LAMA3: variants seen among roughly 807,000 people sequenced by gnomAD.
LAMA3 encodes the protein laminin subunit alpha-3.
A neutral mutation model predicts 402.0 loss-of-function variants in LAMA3; 281 were observed. That is an observed-to-expected ratio of 0.70 (90% CI 0.63 to 0.77). The LOEUF is 0.77. Among genes scored for constraint, LAMA3 ranks in the 30% least tolerant of loss-of-function variants. LAMA3 has a pLI of 0.00. For synonymous variants in LAMA3, 1,431 were observed against 1,558.4 expected, an observed-to-expected ratio of 0.92 and a Z score of 1.93; for missense variants, 3,840 against 4,215.5, an observed-to-expected ratio of 0.91 and a Z score of 2.47.
At chr18:23,904,816 T>C in intron 51 of LAMA3, 122 bp downstream of exon 51, 1 of 1,108,106 alleles carries the variant, frequency 9.0e-7, no homozygotes, top group Non-Finnish European at 1.3e-6. Flanking sequence ...ACTTGTTGTA[T>C]AGAATAGAAC....
chr18:23,764,596 A>AT lies in LAMA3; in HGVS notation c.1182+1087dup, dbSNP rs765818716. Among the ~76,000 whole-genome samples the AT allele has an allele frequency of 7.3e-3, 974 of 134,142 alleles. 5 individuals carry two copies. Among genetic ancestry groups the AT allele is most frequent in the East Asian group, 0.033 (153 of 4,704 alleles). The allele number at this position is 134,142 out of a possible 152,430, so 88.0% of individuals were successfully genotyped here. A position where few individuals can be genotyped will look rare whatever the true frequency, so the allele number is the denominator to read the frequency against. ...TTTTTCATAGTGGGTCTGCAAAAAC[A>AT]TTTTTTTTTTTTTTGCTTATGAAAT... On this transcript the variant is annotated intron_variant, in intron 8 of 74. Transcript: ENST00000313654.
intron 2 of LAMA3, among the ~76,000 whole-genome samples, chr18:23,739,358 G>T (rs58721020): frequency 2.0e-5 from 3 of 152,148 alleles, no homozygotes; most frequent in Non-Finnish European, 4.4e-5. Context: ...ATGACACTCC[G>T]ACATAAAGCT....
At chr18:23,738,338 G>T (rs1289448647) in intron 2 of LAMA3, among the ~76,000 whole-genome samples, 3 of 151,982 alleles carry the variant, frequency 2.0e-5, no homozygotes, top group Admixed American at 6.5e-5. Context: ...GGAGGGATTG[G>T]CTTTTGACAG....
chr18:23,932,560 A>G (rs1026981952), intron 66 of LAMA3: 12 of 393,718 alleles, frequency 3.0e-5, no homozygotes, highest in Middle Eastern at 8.0e-4. Context: ...TATGGCCCGG[A>G]AAAGTATTCA....
intron 6 of LAMA3, among the ~76,000 whole-genome samples, chr18:23,755,676 CT>C (rs2061829843): frequency 6.6e-6 from 1 of 152,138 alleles, no homozygotes; most frequent in African/African-American, 2.4e-5. Flanking sequence ...TCTGAGCTTC[CT>C]AGCAGCCAAC....
At chr18:23,858,864 G>A (rs1363095186) in intron 34 of LAMA3, 35 bp downstream of exon 34, 2 of 1,607,236 alleles carry the variant, frequency 1.2e-6, no homozygotes, top group Non-Finnish European at 1.7e-6. Context: ...GGAACATTTT[G>A]TACATGGATT....
intron 57 of LAMA3, 47 bp downstream of exon 57, chr18:23,914,608 T>A: frequency 6.2e-7 from 1 of 1,610,696 alleles, no homozygotes; most frequent in East Asian, 2.2e-5. Context: ...CTTCCATGTA[T>A]ACATGTTGCT....
intron 44 of LAMA3, among the ~76,000 whole-genome samples, chr18:23,895,790 C>T (rs938679144): frequency 2.6e-5 from 4 of 151,778 alleles, no homozygotes; most frequent in Non-Finnish European, 5.9e-5. Context: ...GATTTCTGTT[C>T]TTATCCTTTT....
intron 66 of LAMA3, 126 bp from the exon 67 acceptor site, chr18:23,933,654 TTG>T: frequency 1.1e-6 from 1 of 883,334 alleles, no homozygotes; most frequent in East Asian, 2.6e-5. Flanking sequence ...AACTGCATTT[TTG>T]TACCCATTAA....
At position 23,743,131 on chromosome 18, in the gene LAMA3, G is replaced by A. The variant is rs527554610; in HGVS notation, c.448-4812G>A. ...AAACAGGTACCGCAGTGCATGACAG[G>A]TGCTCTTTTAGAAGGAGAATATCAA... On this transcript the variant is annotated intron_variant, in intron 2 of 74. Coordinates refer to ENST00000313654, the MANE Select transcript of LAMA3 (RefSeq NM_198129.4). Among the ~76,000 whole-genome samples the A allele has an allele frequency of 3.3e-5, 5 of 152,308 alleles. No individual in the cohort carries two copies. In the South Asian group the frequency reaches 1.0e-3, roughly 32 times the overall value.
Position 23,882,000 on chromosome 18 carries a change from C to G in LAMA3, c.5177C>G (p.Ala1726Gly). ...ERCQEGYYGN[A>G]VHGSCRACPC... ...TGCCAGGAGGGCTACTATGGCAACG[C>G]CGTCCACGGATCCTGCAGGGCCTGC... Residue 1726 changes from alanine (A) to glycine (G), a missense_variant, in exon 40 of 75, where the codon GCC (alanine) becomes GGC (glycine). Physicochemically the swap from Ala to Gly is moderately conservative, Grantham distance 60. Around this residue, in one of 3 missense-constraint regions of LAMA3, gnomAD observed 2,109 missense variants for 2,376.0 expected, o/e 0.89. Coordinates refer to ENST00000313654, the MANE Select transcript of LAMA3 (RefSeq NM_198129.4). The G allele has an allele frequency of 2.5e-6, 4 of 1,614,072 alleles. No homozygotes were observed. The highest frequency in any genetic ancestry group is 3.4e-6 in the Non-Finnish European group (4 of 1,179,964).
chr18:23,803,435 G>T (rs1034497457), intron 12 of LAMA3, among the ~76,000 whole-genome samples: 1 of 152,178 alleles, frequency 6.6e-6, no homozygotes, highest in African/African-American at 2.4e-5. Context: ...AAGTGGATGG[G>T]ACAGAGGCTG....
chr18:23,835,531 G>C (rs1389052512), intron 24 of LAMA3, among the ~76,000 whole-genome samples: 1 of 152,176 alleles, frequency 6.6e-6, no homozygotes, highest in East Asian at 1.9e-4. Flanking sequence ...CAACACCAAA[G>C]TCCTGCTTTA....
intron 2 of LAMA3, among the ~76,000 whole-genome samples, chr18:23,724,197 G>A (rs574141719): frequency 1.4e-4 from 21 of 152,234 alleles, no homozygotes; most frequent in African/African-American, 3.9e-4. Flanking sequence ...AGGTTGCTAC[G>A]AATGCTATTA....
At chr18:23,923,762 T>G (rs1240857788) in intron 62 of LAMA3, among the ~76,000 whole-genome samples, 1 of 152,140 alleles carries the variant, frequency 6.6e-6, no homozygotes, top group East Asian at 1.9e-4. Flanking sequence ...ATTCTCAAGT[T>G]GAGGCAATAA....
At position 23,813,059 on chromosome 18, in the gene LAMA3, T is replaced by C. The variant is rs747733061; in HGVS notation, c.1744T>C (p.Ser582Pro). 1.2e-6 allele frequency: 2 copies of C among 1,605,264 alleles called. No homozygotes were observed. Among genetic ancestry groups the C allele is most frequent in the East Asian group, 2.2e-5 (1 of 44,844 alleles). ...GAYDFPHCQG[S>P]SSACDPAGTI... ...AAAAATTTCTGAATCATATTCAGGT[T>C]CCAGCAGTGCTTGTGACCCAGCTGG... The change falls in exon 14 of 75, where the codon TCC (serine) becomes CCC (proline). Residue 582 changes from serine to proline, a missense_variant and splice_region_variant. By Grantham distance (74) the Ser-to-Pro change is moderately conservative. This residue lies in a region of LAMA3 where 2,109 missense variants were observed against 2,376.0 expected (regional missense o/e 0.89). Transcript: ENST00000313654.
Position 23,867,912 on chromosome 18 carries a change from G to A in LAMA3, c.4762G>A (p.Val1588Ile), listed in dbSNP as rs1326781558. The A allele has an allele frequency of 1.2e-6, 2 of 1,613,790 alleles. No individual in the cohort carries two copies. Among genetic ancestry groups the A allele is most frequent in the Admixed American group, 3.3e-5 (2 of 60,018 alleles). Residue 1588 changes from valine to isoleucine, a missense_variant, in exon 37 of 75, where the codon GTC becomes ATC. Coordinates refer to ENST00000313654, the MANE Select transcript of LAMA3 (RefSeq NM_198129.4). The stretch of plus-strand genomic sequence containing the variant: ...GCTGCATCATGGACGAGTGCACGTG[G>A]TCGAGGTAAAGGAAGAGCAACCATA... ...DRLHHGRVHV[V>I]EGNFRHASSR... is the part of the protein sequence containing the mutation.
At chr18:23,734,645 T>C (rs1455594600) in intron 2 of LAMA3, among the ~76,000 whole-genome samples, 2 of 152,164 alleles carry the variant, frequency 1.3e-5, no homozygotes, top group Non-Finnish European at 2.9e-5. Flanking sequence ...AAGATTTCCT[T>C]TTAGAACTCC....
intron 18 of LAMA3, among the ~76,000 whole-genome samples, chr18:23,817,313 A>G (rs1040927697): frequency 6.6e-6 from 1 of 152,210 alleles, no homozygotes; most frequent in Non-Finnish European, 1.5e-5. Context: ...AAAAAAAGTA[A>G]CTTCTGAATC....
Sources: gnomAD v4.1 joint callset for allele counts (sites outside exome capture counted in the v4.1 genomes callset) on GRCh38, gnomAD v4.1.1 for gene constraint, gnomAD v4.1.1 regional missense constraint, MANE v1.5 for transcripts, NCBI Gene and HGNC (gene_info 2026-07-23, HGNC 2026-07-21) for gene names.